NLGN4X: variants seen among roughly 807,000 people sequenced by gnomAD.
NLGN4X encodes the protein neuroligin 4 X-linked.
In NLGN4X, 3 loss-of-function variants were observed where a neutral mutation model predicts 40.3. That is an observed-to-expected ratio of 0.07 (90% CI 0.03 to 0.19). The LOEUF (loss-of-function observed/expected upper bound fraction) is 0.19. Ranked by LOEUF, NLGN4X falls within the 10% of genes least tolerant of loss-of-function variation. The probability of loss-of-function intolerance (pLI) is 1.00; values close to 1 mark genes in which losing one functional copy is unlikely to be tolerated. For synonymous variants in NLGN4X, 270 were observed against 306.8 expected (o/e 0.88, Z 1.25); for missense variants, 382 against 708.3 (o/e 0.54, Z 5.23).
rs185856948 is a variant in NLGN4X, at chrX:6,193,734, T to C, written c.-306+34807A>G. ...AACCATTTTAGCACACACATGCAGT[T>C]TGAGAATACAAAATCAATGAAGACT... On this transcript the variant is annotated intron_variant, in intron 1 of 5. Transcript: ENST00000381095. Among the ~76,000 whole-genome samples the C allele has an allele frequency of 2.1e-3, 230 of 111,751 alleles. 2 individuals carry two copies. Among genetic ancestry groups the C allele is most frequent in the African/African-American group, 7.1e-3 (219 of 30,786 alleles).
intron 2 of NLGN4X, among the ~76,000 whole-genome samples, chrX:6,145,796 G>A (rs774269526): frequency 9.0e-6 from 1 of 111,067 alleles, no homozygotes; most frequent in South Asian, 3.8e-4. Context: ...GTCTACCCTA[G>A]AAAGTATAGG....
chrX:6,194,298 A>C (rs1185602283), intron 1 of NLGN4X, among the ~76,000 whole-genome samples: 1 of 112,240 alleles, frequency 8.9e-6, no homozygotes, highest in Non-Finnish European at 1.9e-5. Flanking sequence ...TCTCCATTGG[A>C]TCAGTTATCA....
chrX:6,165,782 C>T (rs1284422256), intron 1 of NLGN4X, among the ~76,000 whole-genome samples: 1 of 111,268 alleles, frequency 9.0e-6, no homozygotes, highest in Non-Finnish European at 1.9e-5. Context: ...GTTCTCCACC[C>T]TAAGTCCAAA....
At chrX:6,219,137 GTA>G (rs1925371578) in intron 1 of NLGN4X, among the ~76,000 whole-genome samples, 1 of 88,640 alleles carries the variant, frequency 1.1e-5, no homozygotes, top group African/African-American at 3.9e-5. Flanking sequence ...ACATATATAC[GTA>G]TATATATGTA....
intron 1 of NLGN4X, among the ~76,000 whole-genome samples, chrX:6,207,938 CT>C (rs1333756382): frequency 3.6e-5 from 4 of 112,034 alleles, no homozygotes; most frequent in South Asian, 3.7e-4. Flanking sequence ...AATAATACAT[CT>C]TTTAAAAACA....
chrX:6,228,154 T>C (rs1037566695), intron 1 of NLGN4X, among the ~76,000 whole-genome samples: 5 of 111,901 alleles, frequency 4.5e-5, no homozygotes, highest in Admixed American at 9.5e-5. Context: ...AAGGCAGCGC[T>C]ACTTTGTAAA....
At chrX:6,206,212 G>A (rs1194803292) in intron 1 of NLGN4X, among the ~76,000 whole-genome samples, 1 of 111,479 alleles carries the variant, frequency 9.0e-6, no homozygotes, top group Non-Finnish European at 1.9e-5. Context: ...GATTCTGGAA[G>A]ACAAGTGTGG....
chrX:6,214,350 C>T (rs1007117861), intron 1 of NLGN4X, among the ~76,000 whole-genome samples: 4 of 111,294 alleles, frequency 3.6e-5, no homozygotes, highest in Non-Finnish European at 7.5e-5. Flanking sequence ...CATATGTGAA[C>T]CCTTCAATTT....
intron 5 of NLGN4X, among the ~76,000 whole-genome samples, chrX:5,900,449 C>G (rs112247367): frequency 0.014 from 1,543 of 110,222 alleles, 26 homozygotes; most frequent in African/African-American, 0.048. Context: ...TACCCTCCCC[C>G]TACAGATTTG....
intron 1 of NLGN4X, among the ~76,000 whole-genome samples, chrX:6,193,239 C>G (rs963255236): frequency 3.8e-4 from 42 of 110,066 alleles, no homozygotes; most frequent in Non-Finnish European, 5.7e-4. Context: ...GAAACCCCGT[C>G]TCTACTAAAA....
chrX:5,960,243 TATG>T (rs933601877), intron 3 of NLGN4X, among the ~76,000 whole-genome samples: 2 of 81,979 alleles, frequency 2.4e-5, no homozygotes, highest in Admixed American at 1.6e-4. Context: ...GTATAATTAA[TATG>T]ATGCCAATTT....
intron 3 of NLGN4X, among the ~76,000 whole-genome samples, chrX:6,004,740 T>A (rs1165367240): frequency 8.9e-6 from 1 of 112,231 alleles, no homozygotes; most frequent in Non-Finnish European, 1.9e-5. Flanking sequence ...TCTTGGCTTA[T>A]GTACTCCCAA....
At chrX:5,942,670 G>T (rs780855920) in intron 3 of NLGN4X, among the ~76,000 whole-genome samples, 22 of 107,616 alleles carry the variant, frequency 2.0e-4, no homozygotes, top group Non-Finnish European at 3.7e-4. Flanking sequence ...GAAAGAGAAG[G>T]AAAGGAAAGG....
rs1433183015 is a variant in NLGN4X, at chrX:5,949,023, A to G, written c.626-39784T>C. ...GGGCTTGAACACTTTGCAACATGAG[A>G]TGTGGTTTCCAAGAGAGAATGCCCT... On this transcript the variant is annotated intron_variant, in intron 3 of 5. Transcript: ENST00000381095. Among the ~76,000 whole-genome samples the G allele has an allele frequency of 2.7e-5, 3 of 111,279 alleles. No individual in the cohort carries two copies. In the East Asian group the frequency reaches 8.6e-4, roughly 32 times the overall value.
intron 2 of NLGN4X, among the ~76,000 whole-genome samples, chrX:6,140,124 G>A (rs1273056269): frequency 9.0e-6 from 1 of 111,411 alleles, no homozygotes; most frequent in African/African-American, 3.3e-5. Context: ...GAAAAGGAGT[G>A]TTCAAGAACC....
intron 3 of NLGN4X, among the ~76,000 whole-genome samples, chrX:5,982,750 G>T (rs1055833630): frequency 2.7e-5 from 3 of 112,055 alleles, no homozygotes; most frequent in African/African-American, 9.7e-5. Flanking sequence ...CCCAGCTACT[G>T]GGGAGGGTGA....
At chrX:6,059,123 C>G (rs986242562) in intron 2 of NLGN4X, among the ~76,000 whole-genome samples, 1 of 112,142 alleles carries the variant, frequency 8.9e-6, no homozygotes, top group Non-Finnish European at 1.9e-5. Context: ...AGAATGACTA[C>G]TGAGTACTTG....
intron 3 of NLGN4X, among the ~76,000 whole-genome samples, chrX:5,939,999 G>A (rs2033869209): frequency 9.0e-6 from 1 of 111,252 alleles, no homozygotes; most frequent in South Asian, 3.8e-4. Flanking sequence ...GGGCAAGAAC[G>A]TGTGGAAAAA....
chrX:6,217,938 A>T (rs753270476), intron 1 of NLGN4X, among the ~76,000 whole-genome samples: 1 of 111,487 alleles, frequency 9.0e-6, no homozygotes, highest in African/African-American at 3.3e-5. Context: ...ATTGTGGTTT[A>T]CTTATATTTG....
Sources: allele counts gnomAD v4.1 joint callset (sites outside exome capture counted in the v4.1 genomes callset), GRCh38; gene constraint gnomAD v4.1.1; transcripts MANE v1.5; gene names NCBI Gene and HGNC (gene_info 2026-07-23, HGNC 2026-07-21).